The following SDK2 variants were observed in gnomAD, a reference collection of about 807,000 sequenced individuals.
SDK2 encodes sidekick cell adhesion molecule 2.
A neutral mutation model predicts 253.9 loss-of-function variants in SDK2; 105 were observed. The observed-to-expected ratio is 0.41, with a 90% CI of 0.35 to 0.49. The LOEUF is 0.49. SDK2 is among the 20% of genes least tolerant of loss of function. The pLI, the probability that SDK2 is intolerant of heterozygous loss-of-function variation, is 0.06. For synonymous variants in SDK2, 1,249 were observed against 1,234.9 expected (o/e 1.01, Z -0.24); for missense variants, 2,608 against 3,003.0 (o/e 0.87, Z 3.07).
intron 41 of SDK2, among the ~76,000 whole-genome samples, chr17:73,351,759 GCT>G (rs1253774071): frequency 6.6e-6 from 1 of 152,116 alleles, no homozygotes; most frequent in East Asian, 1.9e-4. Context: ...CAAGAGATGG[GCT>G]CTCTGTTTCG....
At chr17:73,380,639 C>T (rs770524919) in intron 34 of SDK2, among the ~76,000 whole-genome samples, 28 of 152,220 alleles carry the variant, frequency 1.8e-4, no homozygotes, top group Non-Finnish European at 3.1e-4. Flanking sequence ...CCGACCCAGC[C>T]GAGCACAGGG....
In SDK2 at chr17:73,418,050, C is replaced by T. The variant is rs899242483; in HGVS notation, c.2186+1116G>A. 3.4e-5 allele frequency among the ~76,000 whole-genome samples: 5 copies of T among 145,452 alleles called. No individual in the cohort carries two copies. In the Admixed American group the frequency reaches 3.6e-4, roughly 10 times the overall value. On this transcript the variant is annotated intron_variant, in intron 16 of 44. Coordinates refer to ENST00000392650, the MANE Select transcript of SDK2 (RefSeq NM_001144952.2). The stretch of plus-strand genomic sequence containing the variant: ...TTTTGTTTTTAGATGGAGTCTCGCC[C>T]AGGCTGGAGTGCAGTGGTGCGATCT...
chr17:73,353,692 C>G (rs2062559186), intron 40 of SDK2, among the ~76,000 whole-genome samples: 1 of 138,236 alleles, frequency 7.2e-6, no homozygotes, highest in Non-Finnish European at 1.5e-5. Flanking sequence ...AGCCACTGTG[C>G]CTGGCCAATT....
At chr17:73,597,739 G>A (rs1007344035) in intron 1 of SDK2, among the ~76,000 whole-genome samples, 3 of 151,232 alleles carry the variant, frequency 2.0e-5, no homozygotes, top group Non-Finnish European at 2.9e-5. Context: ...TCCGCCTCCC[G>A]GGTTCACGCC....
At chr17:73,545,095 G>GCACACACACACACA (rs2044936598) in intron 1 of SDK2, among the ~76,000 whole-genome samples, 1 of 75,312 alleles carries the variant, frequency 1.3e-5, no homozygotes, top group African/African-American at 8.9e-5. Flanking sequence ...GCGTGCACGT[G>GCACACACACACACA]CACGCACACA....
At chr17:73,354,758 C>T (rs1424195156) in intron 40 of SDK2, among the ~76,000 whole-genome samples, 1 of 8,804 alleles carries the variant, frequency 1.1e-4, no homozygotes, top group Non-Finnish European at 0.015. Context: ...CCAAGCACCT[C>T]CAGTCTCTCA....
chr17:73,428,621 C>T (rs530204997), intron 12 of SDK2, among the ~76,000 whole-genome samples: 12 of 152,186 alleles, frequency 7.9e-5, no homozygotes, highest in African/African-American at 2.7e-4. Context: ...GGGAACCCTG[C>T]TGTGTTTTGC....
intron 1 of SDK2, among the ~76,000 whole-genome samples, chr17:73,563,972 G>A (rs2045275261): frequency 3.3e-5 from 5 of 152,062 alleles, no homozygotes; most frequent in Admixed American, 3.3e-4. Flanking sequence ...TGTTGCCCAG[G>A]CTGGCCTCAA....
At chr17:73,402,997 C>T (rs2061811166) in intron 18 of SDK2, among the ~76,000 whole-genome samples, 1 of 151,956 alleles carries the variant, frequency 6.6e-6, no homozygotes. Flanking sequence ...GGGGGTTTCA[C>T]CATGTTGGCC....
At chr17:73,448,051 G>C (rs1467857629) in intron 4 of SDK2, among the ~76,000 whole-genome samples, 2 of 152,178 alleles carry the variant, frequency 1.3e-5, no homozygotes, top group Non-Finnish European at 1.5e-5. Context: ...TGGGCAAGGG[G>C]CTTCCAGGTA....
At position 73,391,423 on chromosome 17, in the gene SDK2, G is replaced by A. The variant is rs1211357315; in HGVS notation, c.3997+17C>T. 4 of 1,290,178 alleles carry A rather than the reference G, an allele frequency of 3.1e-6. No individual in the cohort carries two copies. The highest frequency in any genetic ancestry group is 4.0e-6 in the Non-Finnish European group (4 of 1,004,896). The allele number at this position is 1,290,178 out of a possible 1,614,324, so 79.9% of individuals were successfully genotyped here. A position where few individuals can be genotyped will look rare whatever the true frequency, so the allele number is the denominator to read the frequency against. ...CCTTCTTCCTGCAGCCGGGGCACGG[G>A]AAGGGCAAAGGCTTACCAAGAATGA... On this transcript the variant is annotated intron_variant, in intron 28 of 44. Coordinates refer to ENST00000392650, the MANE Select transcript of SDK2 (RefSeq NM_001144952.2).
At chr17:73,579,136 T>C (rs1365876704) in intron 1 of SDK2, among the ~76,000 whole-genome samples, 1 of 151,704 alleles carries the variant, frequency 6.6e-6, no homozygotes, top group Non-Finnish European at 1.5e-5. Context: ...TCTCCATCCC[T>C]ATTGCTGCAC....
At chr17:73,636,333 C>G (rs2046329046) in intron 1 of SDK2, among the ~76,000 whole-genome samples, 1 of 151,938 alleles carries the variant, frequency 6.6e-6, no homozygotes, top group Non-Finnish European at 1.5e-5. Flanking sequence ...AACTGTGCAC[C>G]AAACGTGAGC....
chr17:73,634,233 T>TG lies in SDK2; in HGVS notation c.64+9791dup, dbSNP rs562994992. Among the ~76,000 whole-genome samples, 4 of 152,340 alleles carry TG rather than the reference T, an allele frequency of 2.6e-5. No individual in the cohort carries two copies. The South Asian group carries it at 8.3e-4, about 32-fold the overall frequency. Reference sequence around the variant, plus strand: ...AGCCTGTGGTCAAATGAGCCTACCCTGGGTCCACCAGCCCAAAGCAGCATG... The same window carrying TG: ...AGCCTGTGGTCAAATGAGCCTACCCTGGGGTCCACCAGCCCAAAGCAGCATG... On this transcript the variant is annotated intron_variant, in intron 1 of 44. Coordinates refer to ENST00000392650, the MANE Select transcript of SDK2 (RefSeq NM_001144952.2).
chr17:73,539,682 G>C (rs1317448440), intron 1 of SDK2, among the ~76,000 whole-genome samples: 1 of 152,200 alleles, frequency 6.6e-6, no homozygotes, highest in Non-Finnish European at 1.5e-5. Context: ...TCAGTCCTGG[G>C]ACCTGTGAAT....
At position 73,379,421 on chromosome 17, in the gene SDK2, G is replaced by C. The variant is rs3751927; in HGVS notation, c.4864+27C>G. On this transcript the variant is annotated intron_variant, in intron 35 of 44. Coordinates refer to ENST00000392650, the MANE Select transcript of SDK2 (RefSeq NM_001144952.2). This position sits in a 1 kb window ranked among gnomAD's most constrained non-coding sequence, Gnocchi z 4.5. ...GGGTGGGGCTGGGAAAGGCATGCTG[G>C]GGCCGGACAGGGCGGGCGCTGCTCA... 2.9e-5 allele frequency: 45 copies of C among 1,565,110 alleles called. No homozygotes were observed. The East Asian group carries it at 7.9e-4, about 27-fold the overall frequency.
chr17:73,486,652 A>G (rs2063771436), intron 2 of SDK2, among the ~76,000 whole-genome samples: 1 of 149,694 alleles, frequency 6.7e-6, no homozygotes, highest in Non-Finnish European at 1.5e-5. Flanking sequence ...AAGAGAGGGC[A>G]AGTGATGGAG....
At chr17:73,555,633 A>G (rs558038378) in intron 1 of SDK2, among the ~76,000 whole-genome samples, 6 of 152,168 alleles carry the variant, frequency 3.9e-5, no homozygotes, top group East Asian at 1.9e-4. Flanking sequence ...CTCTGCCTCA[A>G]TGTCCCGGAG....
At position 73,488,355 on chromosome 17, in the gene SDK2, C is replaced by T. The variant is rs189186708; in HGVS notation, c.225-16137G>A. Among the ~76,000 whole-genome samples, 6 of 152,298 alleles carry T rather than the reference C, an allele frequency of 3.9e-5. No individual in the cohort carries two copies. In the East Asian group the frequency reaches 1.2e-3, roughly 29 times the overall value. On this transcript the variant is annotated intron_variant, in intron 2 of 44. Coordinates refer to ENST00000392650, the MANE Select transcript of SDK2 (RefSeq NM_001144952.2). ...ATAGAAAATACAAGTTCAGGCAGCT[C>T]GCTGTAAGGCTTGTTTTCAAACACA...
Sources: gnomAD v4.1 joint callset for allele counts (sites outside exome capture counted in the v4.1 genomes callset) on GRCh38, gnomAD v4.1.1 for gene constraint, Gnocchi (gnomAD v3.1) non-coding constraint, MANE v1.5 for transcripts, NCBI Gene and HGNC (gene_info 2026-07-23, HGNC 2026-07-21) for gene names.